The following TPO variants were observed in gnomAD, a reference collection of about 807,000 sequenced individuals.
The protein encoded by TPO is thyroid microsomal antigen.
Under a neutral mutation model 96.9 loss-of-function variants are expected in TPO, and 78 were observed. The observed-to-expected ratio is 0.81, with a 90% CI of 0.67 to 0.97. The LOEUF (loss-of-function observed/expected upper bound fraction) is 0.97, where lower values mean the gene tolerates loss of function less well. TPO is among the 50% of genes least tolerant of loss of function. The pLI, the probability that TPO is intolerant of heterozygous loss-of-function variation, is 0.00. For synonymous variants in TPO, 547 were observed against 538.0 expected, an observed-to-expected ratio of 1.02 and a Z score of -0.23; for missense variants, 1,252 against 1,274.8, an observed-to-expected ratio of 0.98 and a Z score of 0.27.
At chr2:1,380,683 G>C (rs906892208) in intron 1 of TPO, among the ~76,000 whole-genome samples, 2 of 152,306 alleles carry the variant, frequency 1.3e-5, no homozygotes, top group East Asian at 1.9e-4. Context: ...CAATGGGCTA[G>C]ATGTTTCCAT....
intron 1 of TPO, among the ~76,000 whole-genome samples, chr2:1,391,541 A>G (rs1257389458): frequency 2.6e-5 from 4 of 152,216 alleles, no homozygotes; most frequent in South Asian, 4.1e-4. Context: ...GTTTTTTCCA[A>G]TTCTGTGAAG....
In TPO at chr2:1,436,376, C is replaced by G; in HGVS notation, c.474C>G (p.Cys158Trp). Reference sequence around the variant, plus strand: ...AATACAGGCCCATCACAGGAGCTTGCAACAACAGGTATTGTTTGTGGATTT... The same window carrying G: ...AATACAGGCCCATCACAGGAGCTTGGAACAACAGGTATTGTTTGTGGATTT... The part of the protein sequence containing the change: ...ANKYRPITGA[C>W]NNRDHPRWGA... Residue 158 changes from cysteine to tryptophan, a missense_variant, in exon 5 of 17, where the codon TGC becomes TGG. Transcript: ENST00000329066. 1 of 1,614,198 alleles carries G rather than the reference C, an allele frequency of 6.2e-7. No homozygotes were observed. Among genetic ancestry groups the G allele is most frequent in the Non-Finnish European group, 8.5e-7 (1 of 1,180,042 alleles).
chr2:1,453,623 T>C (rs1481696880), intron 5 of TPO, 71 bp from the exon 6 acceptor site: 26 of 1,611,136 alleles, frequency 1.6e-5, no homozygotes, highest in Non-Finnish European at 2.2e-5. Flanking sequence ...AATGGTGTCT[T>C]ATATCTGGAA....
intron 3 of TPO, among the ~76,000 whole-genome samples, chr2:1,427,512 G>A (rs781539389): frequency 5.3e-5 from 8 of 152,180 alleles, no homozygotes; most frequent in Non-Finnish European, 1.2e-4. Flanking sequence ...GACCTGGCAG[G>A]CACCCCTCGG....
intron 15 of TPO, among the ~76,000 whole-genome samples, chr2:1,534,776 AAAT>A (rs1362628225): frequency 6.8e-6 from 1 of 147,724 alleles, no homozygotes; most frequent in African/African-American, 2.5e-5. Context: ...CAACCTCCTC[AAAT>A]ATCCCCACTG....
chr2:1,532,091 C>G (rs1678405471), intron 15 of TPO, among the ~76,000 whole-genome samples: 1 of 120,272 alleles, frequency 8.3e-6, no homozygotes, highest in Non-Finnish European at 1.7e-5. Flanking sequence ...AAGTCCCCCA[C>G]TGTGTGCAAC....
chr2:1,471,638 C>T (rs1240819462), intron 7 of TPO, among the ~76,000 whole-genome samples: 2 of 152,164 alleles, frequency 1.3e-5, no homozygotes, highest in African/African-American at 4.8e-5. Flanking sequence ...CTAGACTCTC[C>T]TCCTGCTCAC....
At chr2:1,402,309 A>G (rs1395304573) in intron 1 of TPO, among the ~76,000 whole-genome samples, 1 of 152,062 alleles carries the variant, frequency 6.6e-6, no homozygotes, top group African/African-American at 2.4e-5. Context: ...TACCCCCTAA[A>G]TCCCACAGGG....
intron 8 of TPO, among the ~76,000 whole-genome samples, chr2:1,484,347 C>T (rs1158085537): frequency 6.6e-6 from 1 of 152,220 alleles, no homozygotes; most frequent in Non-Finnish European, 1.5e-5. Context: ...CTGTCTCTTG[C>T]CACTGCCAGC....
At chr2:1,438,094 G>A (rs12613496) in intron 5 of TPO, among the ~76,000 whole-genome samples, 80,176 of 151,166 alleles carry the variant, frequency 0.53, 22,929 homozygotes, top group Non-Finnish European at 0.65. Flanking sequence ...AAGCCGGAGC[G>A]GAGATGGCTT....
chr2:1,424,790 A>G (rs1664151267), intron 3 of TPO, among the ~76,000 whole-genome samples: 4 of 152,130 alleles, frequency 2.6e-5, no homozygotes, highest in Admixed American at 1.3e-4. Context: ...TATCCTCAGA[A>G]GTCCGTGCTC....
In TPO at chr2:1,495,637, C is replaced by A. The variant is rs367545228; in HGVS notation, c.2007-352C>A. On this transcript the variant is annotated intron_variant, in intron 11 of 16. Coordinates refer to ENST00000329066, the MANE Select transcript of TPO (RefSeq NM_001206744.2). ...TCTGAGCCCCTCTTCTGAGGCCGCT[C>A]GTTCAGACAGCCAGGTGCACGCTGT... Among the ~76,000 whole-genome samples, 3 of 152,376 alleles carry A rather than the reference C, an allele frequency of 2.0e-5. No individual in the cohort carries two copies. In the East Asian group the frequency reaches 5.8e-4, roughly 29 times the overall value.
At chr2:1,505,333 C>A (rs28671559) in intron 14 of TPO, among the ~76,000 whole-genome samples, 26 of 150,238 alleles carry the variant, frequency 1.7e-4, no homozygotes, top group African/African-American at 6.4e-4. Context: ...TCAGGCACAC[C>A]CCACCAGCTT....
chr2:1,466,683 T>C (rs1668927551), intron 7 of TPO, among the ~76,000 whole-genome samples: 1 of 152,230 alleles, frequency 6.6e-6, no homozygotes, highest in Non-Finnish European at 1.5e-5. Context: ...CTGTTCATAG[T>C]AGCCATGAAT....
At chr2:1,435,330 C>T (rs867811245) in intron 4 of TPO, among the ~76,000 whole-genome samples, 1 of 152,174 alleles carries the variant, frequency 6.6e-6, no homozygotes, top group East Asian at 1.9e-4. Flanking sequence ...TTGAAGAATG[C>T]GTAATCCTCC....
At chr2:1,409,889 G>A (rs192418160), upstream of TPO, among the ~76,000 whole-genome samples, 137 of 151,140 alleles carry the variant, frequency 9.1e-4, no homozygotes, top group African/African-American at 3.2e-3. Flanking sequence ...GAATCTAAAA[G>A]TGTCGAGCTC....
intron 15 of TPO, among the ~76,000 whole-genome samples, chr2:1,524,690 C>CA (rs1676028624): frequency 7.5e-6 from 1 of 133,332 alleles, no homozygotes; most frequent in Admixed American, 7.5e-5. Context: ...CCCCAAATCC[C>CA]CCCACTGTGT....
At chr2:1,536,139 TC>T in intron 15 of TPO, among the ~76,000 whole-genome samples, 1 of 24,422 alleles carries the variant, frequency 4.1e-5, no homozygotes, top group African/African-American at 1.6e-4. Flanking sequence ...AATCCCCCAA[TC>T]TATGCAACCT....
At chr2:1,531,535 A>C (rs1678246907) in intron 15 of TPO, among the ~76,000 whole-genome samples, 1 of 95,080 alleles carries the variant, frequency 1.1e-5, no homozygotes, top group Non-Finnish European at 2.1e-5. Context: ...CAACCTCCTC[A>C]AATCCCTCCC....
Sources: gnomAD v4.1 joint callset for allele counts (sites outside exome capture counted in the v4.1 genomes callset) on GRCh38, gnomAD v4.1.1 for gene constraint, MANE v1.5 for transcripts, NCBI Gene and HGNC (gene_info 2026-07-23, HGNC 2026-07-21) for gene names.